The following MROH9 variants were observed in gnomAD, a reference collection of about 807,000 sequenced individuals.
MROH9 encodes maestro heat-like repeat-containing protein family member 9.
In MROH9, 92 loss-of-function variants were observed where a neutral mutation model predicts 98.2. The observed-to-expected ratio is 0.94, with a 90% confidence interval of 0.79 to 1.11. The LOEUF (loss-of-function observed/expected upper bound fraction) is 1.11, where lower values mean the gene tolerates loss of function less well. Ranked by LOEUF, MROH9 falls within the 50% of genes most tolerant of loss-of-function variation. MROH9 has a pLI of 0.00. For missense variants in MROH9, 1,057 were observed against 1,014.8 expected (o/e 1.04, Z -0.57); for synonymous variants, 397 against 368.9 (o/e 1.08, Z -0.87).
At chr1:171,056,124 G>C (rs1296383495) in intron 20 of MROH9, among the ~76,000 whole-genome samples, 1 of 152,172 alleles carries the variant, frequency 6.6e-6, no homozygotes. Context: ...CGAGCCCCTG[G>C]GGAGAAGGGG....
rs1385314239 is a variant in MROH9 at position 170,965,263 on chromosome 1, A to G, written c.480+8A>G. 1 of 1,546,426 alleles carries G rather than the reference A, an allele frequency of 6.5e-7. No homozygotes were observed. Among genetic ancestry groups the G allele is most frequent in the Admixed American group, 1.7e-5 (1 of 59,526 alleles). On this transcript the variant is annotated splice_region_variant and intron_variant, in intron 7 of 21. Transcript: ENST00000367759. ...ACAAAAGTCAGAAAATACGTAAGTC[A>G]CAGAATATAACAATGCCACCTGATT...
Position 170,971,885 on chromosome 1 carries a change from T to C in MROH9, c.616+2T>C, listed in dbSNP as rs1450851634. 1.2e-6 allele frequency: 2 copies of C among 1,613,622 alleles called. No individual in the cohort carries two copies. The highest frequency in any genetic ancestry group is 1.6e-4 in the Middle Eastern group (1 of 6,082). ...TCTACATTGCACGGTGTCAGAACGG[T>C]AAGAACAGTTCACCATCTTTTCTCA... On this transcript the variant is annotated splice_donor_variant, in intron 8 of 21. Transcript: ENST00000367759. LOFTEE classifies it high-confidence loss of function.
chr1:170,988,172 T>C (rs1651221651), intron 10 of MROH9, among the ~76,000 whole-genome samples: 2 of 152,194 alleles, frequency 1.3e-5, no homozygotes, highest in African/African-American at 4.8e-5. Flanking sequence ...TGGAGCCCTG[T>C]GCAAACACAT....
intron 20 of MROH9, among the ~76,000 whole-genome samples, chr1:171,044,921 T>C (rs1448100842): frequency 1.3e-5 from 2 of 149,778 alleles, no homozygotes; most frequent in Non-Finnish European, 3.0e-5. Context: ...TTGTTTCACT[T>C]ATCATTTGTA....
At chr1:170,955,243 C>T (rs1384800917) in intron 3 of MROH9, among the ~76,000 whole-genome samples, 2 of 152,020 alleles carry the variant, frequency 1.3e-5, no homozygotes. Flanking sequence ...GTTGGTTCCA[C>T]GATTTTGCAA....
At position 170,998,841 on chromosome 1, in the gene MROH9, A is replaced by C. The variant is rs115303558; in HGVS notation, c.1596+567A>C. 458 of 778,890 alleles carry C rather than the reference A, an allele frequency of 5.9e-4. 2 individuals are homozygous for C. The African/African-American group carries it at 8.1e-3, about 14-fold the overall frequency. 48.2% of individuals were successfully genotyped at this position (778,890 alleles called of 1,614,324 possible). A position where few individuals can be genotyped will look rare whatever the true frequency, so the allele number is the denominator to read the frequency against. On this transcript the variant is annotated intron_variant, in intron 15 of 21. Transcript: ENST00000367759. ...CTAATTTTTTCATTAAAATAATAAT[A>C]TAATAGGCACATATTACCTAAGGTG...
chr1:171,005,962 A>G (rs1418304598), intron 15 of MROH9, among the ~76,000 whole-genome samples: 1 of 152,240 alleles, frequency 6.6e-6, no homozygotes, highest in Non-Finnish European at 1.5e-5. Flanking sequence ...AATGTGATTT[A>G]CACACCATCC....
intron 16 of MROH9, 66 bp from the exon 17 acceptor site, chr1:171,016,097 A>G (rs1652317847): frequency 1.7e-6 from 2 of 1,143,250 alleles, no homozygotes; most frequent in Non-Finnish European, 1.2e-6. Context: ...CAAGGTATCC[A>G]TATAAATGTC....
At chr1:170,942,372 CACACACA>C in intron 1 of MROH9, among the ~76,000 whole-genome samples, 1 of 12,302 alleles carries the variant, frequency 8.1e-5, no homozygotes, top group Non-Finnish European at 1.9e-4. Flanking sequence ...AGAGTAGACA[CACACACA>C]CACACACACA....
In MROH9 at chr1:170,945,638, G is replaced by A. The variant is rs1009222205; in HGVS notation, c.25+57G>A. 6 of 1,452,190 alleles carry A rather than the reference G, an allele frequency of 4.1e-6. No homozygotes were observed. The African/African-American group carries it at 4.3e-5, about 10-fold the overall frequency. The allele number at this position is 1,452,190 out of a possible 1,614,324, so 90.0% of individuals were successfully genotyped here. On this transcript the variant is annotated intron_variant, in intron 2 of 21. Coordinates refer to ENST00000367759, the MANE Select transcript of MROH9 (RefSeq NM_001163629.2). ...AAGGTATTTTTGTGTATATGTGTGT[G>A]TATGAGTGACAGATGACAGAGAGAA...
chr1:171,034,715 T>G (rs1299419945), intron 20 of MROH9, among the ~76,000 whole-genome samples: 4 of 152,184 alleles, frequency 2.6e-5, no homozygotes, highest in Admixed American at 1.3e-4. Context: ...AAGTTGATTC[T>G]AAATGTTTGT....
chr1:171,026,110 G>A (rs56354031), intron 20 of MROH9, among the ~76,000 whole-genome samples: 98 of 151,958 alleles, frequency 6.4e-4, no homozygotes, highest in Non-Finnish European at 1.2e-3. Context: ...GGAGGCTCTC[G>A]GTCAGGGTAG....
chr1:170,989,808 A>T, intron 10 of MROH9, 47 bp from the exon 11 acceptor site: 1 of 1,545,652 alleles, frequency 6.5e-7, no homozygotes, highest in East Asian at 2.3e-5. Flanking sequence ...TTTAGAGGTG[A>T]CCATGGAACA....
chr1:170,991,269 C>A (rs1341240548), intron 11 of MROH9, among the ~76,000 whole-genome samples: 5 of 151,954 alleles, frequency 3.3e-5, no homozygotes, highest in African/African-American at 1.2e-4. Flanking sequence ...ACCAAAGAAA[C>A]ACATGGAACA....
At chr1:170,939,192 T>C (rs2101860398) in intron 1 of MROH9, among the ~76,000 whole-genome samples, 1 of 152,370 alleles carries the variant, frequency 6.6e-6, no homozygotes, top group East Asian at 1.9e-4. Flanking sequence ...TCATCAATTT[T>C]CCAATCATGT....
chr1:171,044,025 T>C (rs67694070), intron 20 of MROH9, among the ~76,000 whole-genome samples: 18,375 of 152,194 alleles, frequency 0.12, 1,211 homozygotes, highest in Middle Eastern at 0.22. Context: ...GCGATGACAG[T>C]GGACATTCTT....
At chr1:170,985,930 T>A (rs917512427) in intron 9 of MROH9, among the ~76,000 whole-genome samples, 2 of 149,482 alleles carry the variant, frequency 1.3e-5, no homozygotes, top group African/African-American at 4.9e-5. Context: ...AGATTGGGTA[T>A]CCTCTGTACT....
chr1:171,024,876 A>T (rs557628857), intron 19 of MROH9, 111 bp downstream of exon 19: 1 of 648,800 alleles, frequency 1.5e-6, no homozygotes, highest in Non-Finnish European at 2.6e-6. Context: ...GAGGAAAAAA[A>T]TGGAAGAAAA....
At chr1:171,019,371 C>A (rs966331046) in intron 17 of MROH9, among the ~76,000 whole-genome samples, 2 of 152,028 alleles carry the variant, frequency 1.3e-5, no homozygotes, top group Admixed American at 1.3e-4. Flanking sequence ...CTAGAAACAT[C>A]GGCCAGGAGA....
Sources: gnomAD v4.1 joint callset for allele counts (sites outside exome capture counted in the v4.1 genomes callset) on GRCh38, gnomAD v4.1.1 for gene constraint, MANE v1.5 for transcripts, NCBI Gene and HGNC (gene_info 2026-07-23, HGNC 2026-07-21) for gene names.